CAMK1D: variants seen among roughly 807,000 people sequenced by gnomAD.
CAMK1D encodes calcium/calmodulin dependent protein kinase ID.
Under a neutral mutation model 47.7 loss-of-function variants are expected in CAMK1D, and 9 were observed. That is an observed-to-expected ratio of 0.19 (90% CI 0.11 to 0.33). The LOEUF (loss-of-function observed/expected upper bound fraction) is 0.33. Ranked by LOEUF, CAMK1D falls within the 10% of genes least tolerant of loss-of-function variation. The pLI, the probability that CAMK1D is intolerant of heterozygous loss-of-function variation, is 1.00. For synonymous variants in CAMK1D, 184 were observed against 184.9 expected, an observed-to-expected ratio of 0.99 and a Z score of 0.04; for missense variants, 291 against 488.7, an observed-to-expected ratio of 0.60 and a Z score of 3.81.
At chr10:12,601,884 G>T (rs534440986) in intron 2 of CAMK1D, among the ~76,000 whole-genome samples, 33 of 152,334 alleles carry the variant, frequency 2.2e-4, no homozygotes, top group African/African-American at 7.9e-4. Flanking sequence ...GTGTGCATTA[G>T]GTACCTGTGG....
At chr10:12,430,437 G>T (rs1832432177) in intron 1 of CAMK1D, among the ~76,000 whole-genome samples, 1 of 152,214 alleles carries the variant, frequency 6.6e-6, no homozygotes, top group South Asian at 2.1e-4. Flanking sequence ...AAGGGGATCA[G>T]TGTGCTTCAG....
intron 2 of CAMK1D, among the ~76,000 whole-genome samples, chr10:12,587,060 G>A (rs936609628): frequency 1.2e-4 from 19 of 152,068 alleles, no homozygotes; most frequent in South Asian, 1.2e-3. Flanking sequence ...TCCCATTAGC[G>A]GTTTTGACTT....
chr10:12,541,453 G>T (rs1194189335), intron 1 of CAMK1D, among the ~76,000 whole-genome samples: 4 of 152,160 alleles, frequency 2.6e-5, no homozygotes, highest in Admixed American at 1.3e-4. Flanking sequence ...AACCTCCGCT[G>T]CCTGGGTTCA....
intron 3 of CAMK1D, among the ~76,000 whole-genome samples, chr10:12,697,159 G>T (rs1833330415): frequency 6.6e-6 from 1 of 152,108 alleles, no homozygotes; most frequent in Non-Finnish European, 1.5e-5. Flanking sequence ...GAAATGTGGA[G>T]GCAAATTTGA....
intron 2 of CAMK1D, among the ~76,000 whole-genome samples, chr10:12,615,074 G>A (rs1838740964): frequency 6.6e-6 from 1 of 152,190 alleles, no homozygotes; most frequent in African/African-American, 2.4e-5. Context: ...AATCCATTCT[G>A]AGGAGGAATG....
At chr10:12,739,442 A>ATTTTT (rs1186963710) in intron 3 of CAMK1D, among the ~76,000 whole-genome samples, 1 of 127,750 alleles carries the variant, frequency 7.8e-6, no homozygotes, top group African/African-American at 3.0e-5. Context: ...CACCCGGCTA[A>ATTTTT]TTTTTTTTTT....
At chr10:12,792,553 C>T (rs1198307818) in intron 6 of CAMK1D, among the ~76,000 whole-genome samples, 3 of 152,210 alleles carry the variant, frequency 2.0e-5, no homozygotes, top group Admixed American at 6.5e-5. Context: ...GTGTGGCATC[C>T]TCTTCTCCTC....
intron 1 of CAMK1D, among the ~76,000 whole-genome samples, chr10:12,370,301 G>A (rs561146101): frequency 6.6e-6 from 1 of 152,070 alleles, no homozygotes; most frequent in African/African-American, 2.4e-5. Context: ...ATACAATTAT[G>A]TGCAGCACCT....
At chr10:12,632,011 G>A (rs545986081) in intron 2 of CAMK1D, among the ~76,000 whole-genome samples, 79 of 152,220 alleles carry the variant, frequency 5.2e-4, no homozygotes, top group African/African-American at 1.7e-3. Context: ...GCACCACACC[G>A]TGCGAAGGCT....
chr10:12,801,263 G>C (rs1210968908), intron 6 of CAMK1D, among the ~76,000 whole-genome samples: 2 of 138,710 alleles, frequency 1.4e-5, no homozygotes, highest in Non-Finnish European at 3.1e-5. Flanking sequence ...CCATCCATCT[G>C]TCCGTCCATC....
intron 2 of CAMK1D, among the ~76,000 whole-genome samples, chr10:12,577,124 G>A (rs1837514305): frequency 6.6e-6 from 1 of 152,174 alleles, no homozygotes. Context: ...GACTCTGTAT[G>A]CTGAAGCCCT....
At chr10:12,801,256 T>C (rs927889404) in intron 6 of CAMK1D, among the ~76,000 whole-genome samples, 1 of 151,644 alleles carries the variant, frequency 6.6e-6, no homozygotes, top group Non-Finnish European at 1.5e-5. Flanking sequence ...CATCCATCCA[T>C]CCATCTGTCC....
intron 1 of CAMK1D, among the ~76,000 whole-genome samples, chr10:12,444,764 G>A (rs1832881028): frequency 6.6e-6 from 1 of 152,218 alleles, no homozygotes; most frequent in Non-Finnish European, 1.5e-5. Context: ...ATCTAAAGAT[G>A]TGGAATCCAT....
At chr10:12,765,367 G>A (rs868375392) in intron 4 of CAMK1D, among the ~76,000 whole-genome samples, 1 of 152,170 alleles carries the variant, frequency 6.6e-6, no homozygotes, top group Middle Eastern at 3.4e-3. Flanking sequence ...GGGATTTATA[G>A]CCAAAGAAGA....
chr10:12,640,430 A>G (rs574069015), intron 2 of CAMK1D, among the ~76,000 whole-genome samples: 1 of 152,290 alleles, frequency 6.6e-6, no homozygotes, highest in Non-Finnish European at 1.5e-5. Flanking sequence ...TAGGCCCTTG[A>G]TAAGCTAGCA....
At chr10:12,712,495 A>G (rs1011439429) in intron 3 of CAMK1D, among the ~76,000 whole-genome samples, 1 of 152,192 alleles carries the variant, frequency 6.6e-6, no homozygotes, top group Non-Finnish European at 1.5e-5. Flanking sequence ...GAAGTTCCAG[A>G]GCAAGGTGGT....
intron 1 of CAMK1D, among the ~76,000 whole-genome samples, chr10:12,409,976 CTTTCACT>C (rs1269061366): frequency 6.6e-6 from 1 of 152,228 alleles, no homozygotes; most frequent in Non-Finnish European, 1.5e-5. Flanking sequence ...TGCCCGACCT[CTTTCACT>C]GGTACCCTGA....
At chr10:12,354,569 C>T (rs76358763) in intron 1 of CAMK1D, among the ~76,000 whole-genome samples, 12,314 of 72,768 alleles carry the variant, frequency 0.17, 685 homozygotes, top group Admixed American at 0.29. Context: ...CCACCACACC[C>T]GGCTAATTTT....
chr10:12,524,433 C>T (rs1022051854), intron 1 of CAMK1D, among the ~76,000 whole-genome samples: 2 of 152,078 alleles, frequency 1.3e-5, no homozygotes, highest in Admixed American at 6.5e-5. Context: ...TTTGACCAGG[C>T]GCGGTGGCGC....
Sources: gnomAD v4.1 joint callset for allele counts (sites outside exome capture counted in the v4.1 genomes callset) on GRCh38, gnomAD v4.1.1 for gene constraint, MANE v1.5 for transcripts, NCBI Gene and HGNC (gene_info 2026-07-23, HGNC 2026-07-21) for gene names.